The following KPNA1 variants were observed in gnomAD, a reference collection of about 807,000 sequenced individuals.
KPNA1 encodes importin subunit alpha-5.
Under a neutral mutation model 70.5 loss-of-function variants are expected in KPNA1, and 10 were observed. The ratio of observed to expected loss-of-function variants is 0.14; its 90% confidence interval spans 0.09 to 0.24. The LOEUF is 0.24. KPNA1 is among the 10% of genes least tolerant of loss of function. KPNA1 has a pLI of 1.00. For missense variants in KPNA1, 397 were observed against 637.9 expected (o/e 0.62, Z 4.07); for synonymous variants, 192 against 221.9 (o/e 0.87, Z 1.20).
In KPNA1 at chr3:122,426,250, G is replaced by T. The variant is rs3749210; in HGVS notation, c.*735C>A. ...AAGCAAAAGCGATACAAATTAATAT[G>T]TGCCCCTCTCCTTTCTGCTCTAAGG... On this transcript the variant is annotated 3_prime_UTR_variant, in exon 14 of 14. Coordinates refer to ENST00000344337, the MANE Select transcript of KPNA1 (RefSeq NM_002264.4). The T allele has an allele frequency of 6.6e-6, 1 of 152,596 alleles. No individual in the cohort carries two copies. Among genetic ancestry groups the T allele is most frequent in the African/African-American group, 2.4e-5 (1 of 41,440 alleles). 9.5% of individuals were successfully genotyped at this position (152,596 alleles called of 1,614,324 possible).
chr3:122,460,632 G>A, intron 5 of KPNA1: 2 of 573,838 alleles, frequency 3.5e-6, no homozygotes, highest in Non-Finnish European at 4.4e-6. Flanking sequence ...GCAAGACTCT[G>A]TCTCAAGAAA....
chr3:122,470,439 G>T (rs529330524), intron 2 of KPNA1, among the ~76,000 whole-genome samples: 86 of 152,096 alleles, frequency 5.7e-4, no homozygotes, highest in African/African-American at 2.0e-3. Flanking sequence ...GTGAACCCGG[G>T]GGGTGGAGCT....
chr3:122,495,297 A>G (rs1034575736), intron 2 of KPNA1, among the ~76,000 whole-genome samples: 4 of 151,480 alleles, frequency 2.6e-5, no homozygotes, highest in Admixed American at 6.6e-5. Context: ...TCACCCAAAA[A>G]ACAGAACTAA....
chr3:122,457,683 T>C (rs2076279163), intron 5 of KPNA1: 2 of 1,267,984 alleles, frequency 1.6e-6, no homozygotes, highest in Non-Finnish European at 2.0e-6. Flanking sequence ...GCTCAGTTCC[T>C]TAAATAAGGA....
chr3:122,464,310 T>C (rs2076357469), intron 3 of KPNA1: 1 of 310,930 alleles, frequency 3.2e-6, no homozygotes, highest in Admixed American at 4.9e-5. Flanking sequence ...CCCTCCTTGC[T>C]CATCACATAG....
At chr3:122,466,223 A>G (rs2076378510) in intron 3 of KPNA1, among the ~76,000 whole-genome samples, 1 of 150,952 alleles carries the variant, frequency 6.6e-6, no homozygotes, top group Admixed American at 6.6e-5. Flanking sequence ...ACAAAATACT[A>G]TGAATAGTAT....
intron 10 of KPNA1, among the ~76,000 whole-genome samples, chr3:122,440,009 A>C (rs1180463442): frequency 6.6e-6 from 1 of 152,198 alleles, no homozygotes; most frequent in Non-Finnish European, 1.5e-5. Context: ...ATATGTAAGA[A>C]ACTACTGCAG....
intron 6 of KPNA1, 50 bp downstream of exon 6, chr3:122,453,820 T>G: frequency 6.4e-7 from 1 of 1,563,908 alleles, no homozygotes; most frequent in Non-Finnish European, 8.7e-7. Flanking sequence ...GTGAGCGACA[T>G]GCCCAGCCAA....
intron 1 of KPNA1, among the ~76,000 whole-genome samples, chr3:122,501,280 C>A (rs557936492): frequency 6.6e-6 from 1 of 152,116 alleles, no homozygotes; most frequent in African/African-American, 2.4e-5. Flanking sequence ...CCCACCTCCG[C>A]GTCCTGAAGT....
intron 1 of KPNA1, among the ~76,000 whole-genome samples, chr3:122,513,927 C>A (rs1000091868): frequency 4.6e-5 from 7 of 152,154 alleles, no homozygotes; most frequent in Non-Finnish European, 8.8e-5. Context: ...ACTCGGCAAT[C>A]GTTTGTTCTG....
At chr3:122,438,100 G>A (rs893911550) in intron 10 of KPNA1, among the ~76,000 whole-genome samples, 2 of 152,182 alleles carry the variant, frequency 1.3e-5, no homozygotes, top group Non-Finnish European at 2.9e-5. Context: ...CAAGGTTGGA[G>A]GTGGGGCCTG....
At chr3:122,459,117 A>G (rs896901664) in intron 5 of KPNA1, among the ~76,000 whole-genome samples, 14 of 152,348 alleles carry the variant, frequency 9.2e-5, no homozygotes, top group African/African-American at 3.4e-4. Flanking sequence ...CAGATGTGTT[A>G]AAATACAAGT....
rs10662409 is a variant in KPNA1 at position 122,430,515 on chromosome 3, A to AGTGTGTGTGT, written c.1251-2809_1251-2800dup. 3.7e-3 allele frequency among the ~76,000 whole-genome samples: 523 copies of AGTGTGTGTGT among 141,470 alleles called. 9 individuals are homozygous for AGTGTGTGTGT. The highest frequency in any genetic ancestry group is 0.01 in the African/African-American group (396 of 38,944). The allele number at this position is 141,470 out of a possible 152,430, so 92.8% of individuals were successfully genotyped here. On this transcript the variant is annotated intron_variant, in intron 12 of 13. Transcript: ENST00000344337. ...TGAGGACTTCCTATACTGTACTACC[A>AGTGTGTGTGT]GTGTGTGTGTGTGTGTGTGTGTGTG... is the stretch of plus-strand genomic sequence containing the variant.
Position 122,501,785 on chromosome 3 carries a change from A to C in KPNA1, c.-5-5215T>G, listed in dbSNP as rs185537037. Among the ~76,000 whole-genome samples the C allele has an allele frequency of 1.6e-4, 25 of 152,256 alleles. No homozygotes were observed. The East Asian group carries it at 4.4e-3, about 27-fold the overall frequency. On this transcript the variant is annotated intron_variant, in intron 1 of 13. Coordinates refer to ENST00000344337, the MANE Select transcript of KPNA1 (RefSeq NM_002264.4). The stretch of plus-strand genomic sequence containing the variant: ...CTGATTCCTTCTTGACCTTCCACCA[A>C]GTTGTTCTGTCCTCTACTGAAAGTG...
At chr3:122,487,376 A>G (rs758829208) in intron 2 of KPNA1, among the ~76,000 whole-genome samples, 1 of 152,212 alleles carries the variant, frequency 6.6e-6, no homozygotes, top group African/African-American at 2.4e-5. Flanking sequence ...TAAAAATGAA[A>G]TTATCATTAT....
In KPNA1 at chr3:122,467,368, T is replaced by A; in HGVS notation, c.191A>T (p.Asp64Val). The A allele has an allele frequency of 6.2e-7, 1 of 1,610,412 alleles. No homozygotes were observed. The change falls in exon 3 of 14, where the codon GAT becomes GTT. Residue 64 changes from aspartate (D) to valine (V), a missense_variant. Transcript: ENST00000344337. The part of the protein sequence containing the change: ...EEETEEEVMS[D>V]GGFHEAQISN... ...AATCTGAGCCTCATGAAAGCCTCCA[T>A]CTGACATAACTTCTTCTTCTGTTTC... is the stretch of plus-strand genomic sequence containing the variant.
intron 2 of KPNA1, among the ~76,000 whole-genome samples, chr3:122,480,143 T>A (rs1046096560): frequency 6.6e-6 from 1 of 152,038 alleles, no homozygotes; most frequent in Non-Finnish European, 1.5e-5. Flanking sequence ...AAAAGATTAG[T>A]AGTTGTTGTA....
At chr3:122,469,172 C>G (rs1414098144) in intron 2 of KPNA1, among the ~76,000 whole-genome samples, 1 of 152,098 alleles carries the variant, frequency 6.6e-6, no homozygotes, top group African/African-American at 2.4e-5. Context: ...TAAAAAAAGC[C>G]AGTGCCCTTA....
chr3:122,512,682 G>A (rs571097476), intron 1 of KPNA1, among the ~76,000 whole-genome samples: 1 of 152,314 alleles, frequency 6.6e-6, no homozygotes, highest in Non-Finnish European at 1.5e-5. Context: ...CCGAGATCGC[G>A]TCACTGCCCA....
Sources: allele counts gnomAD v4.1 joint callset (sites outside exome capture counted in the v4.1 genomes callset), GRCh38; gene constraint gnomAD v4.1.1; transcripts MANE v1.5; gene names NCBI Gene and HGNC (gene_info 2026-07-23, HGNC 2026-07-21).